The following FER variants were observed in gnomAD, a reference collection of about 807,000 sequenced individuals.
FER encodes tyrosine-protein kinase Fer.
In FER, 63 loss-of-function variants were observed where a neutral mutation model predicts 111.0. That is an observed-to-expected ratio of 0.57 (90% CI 0.46 to 0.70). The LOEUF is 0.70. Ranked by LOEUF, FER falls within the 30% of genes least tolerant of loss-of-function variation. The pLI, the probability that FER is intolerant of heterozygous loss-of-function variation, is 0.00. For missense variants in FER, 914 were observed against 954.0 expected (o/e 0.96, Z 0.55); for synonymous variants, 327 against 313.9 (o/e 1.04, Z -0.44).
intron 18 of FER, among the ~76,000 whole-genome samples, chr5:109,184,976 A>G (rs1486137740): frequency 1.3e-5 from 2 of 152,220 alleles, no homozygotes; most frequent in East Asian, 3.8e-4. Context: ...AGAAAATGAA[A>G]TAACTTAAGA....
chr5:108,870,130 A>G (rs180836980), intron 6 of FER, among the ~76,000 whole-genome samples: 4 of 152,232 alleles, frequency 2.6e-5, no homozygotes, highest in African/African-American at 9.6e-5. Flanking sequence ...TTTGAGACAT[A>G]TAATGGTTTC....
rs528628374 is a variant in FER, at chr5:108,843,964, G to A, written c.481+8157G>A. On this transcript the variant is annotated intron_variant, in intron 5 of 19. Transcript: ENST00000281092. The stretch of plus-strand genomic sequence containing the variant: ...TCAAAAATTGCCAAAATTTTGTCAC[G>A]GCTAGGCTTCTGCTGTCTCTGTTTC... 4.0e-5 allele frequency among the ~76,000 whole-genome samples: 6 copies of A among 149,712 alleles called. No individual in the cohort carries two copies. The East Asian group carries it at 5.9e-4, about 15-fold the overall frequency.
At chr5:108,866,256 T>TA (rs1217678011) in intron 5 of FER, among the ~76,000 whole-genome samples, 1 of 151,978 alleles carries the variant, frequency 6.6e-6, no homozygotes, top group Admixed American at 6.6e-5. Flanking sequence ...TATGCAGCCA[T>TA]AAAAAAGGAT....
chr5:108,770,294 G>C (rs1752759482), intron 2 of FER, among the ~76,000 whole-genome samples: 1 of 152,060 alleles, frequency 6.6e-6, no homozygotes, highest in South Asian at 2.1e-4. Context: ...TCTGACTTCA[G>C]AGTCTTTCTG....
chr5:109,093,837 C>A (rs1252682533), intron 16 of FER, among the ~76,000 whole-genome samples: 1 of 151,950 alleles, frequency 6.6e-6, no homozygotes, highest in Non-Finnish European at 1.5e-5. Flanking sequence ...TAAAAAAATA[C>A]CATTGTAGCA....
intron 17 of FER, among the ~76,000 whole-genome samples, chr5:109,107,179 T>C (rs1018149721): frequency 6.6e-6 from 1 of 152,212 alleles, no homozygotes; most frequent in Admixed American, 6.5e-5. Context: ...TTTCTGACTT[T>C]TTTCCAGTCA....
At chr5:108,892,225 C>T (rs1748212343) in intron 9 of FER, among the ~76,000 whole-genome samples, 1 of 152,086 alleles carries the variant, frequency 6.6e-6, no homozygotes, top group Non-Finnish European at 1.5e-5. Context: ...GTTCTAGGTC[C>T]CTGAGGAATC....
intron 14 of FER, among the ~76,000 whole-genome samples, chr5:109,039,611 G>T (rs1770873741): frequency 6.6e-6 from 1 of 152,050 alleles, no homozygotes; most frequent in Non-Finnish European, 1.5e-5. Flanking sequence ...AAGGAGGTGG[G>T]AAATATAGCC....
intron 13 of FER, among the ~76,000 whole-genome samples, chr5:108,993,356 G>A (rs564128006): frequency 2.2e-4 from 34 of 152,344 alleles, no homozygotes; most frequent in South Asian, 1.0e-3. Context: ...GGCCAACACA[G>A]CGAAACCCCG....
chr5:109,085,648 TC>T (rs1248951213), intron 16 of FER, among the ~76,000 whole-genome samples: 1 of 151,746 alleles, frequency 6.6e-6, no homozygotes, highest in East Asian at 1.9e-4. Context: ...AGATAAGTGT[TC>T]AATATTTTAC....
chr5:108,908,373 A>G (rs1751078744), intron 10 of FER, among the ~76,000 whole-genome samples: 2 of 152,224 alleles, frequency 1.3e-5, no homozygotes. Flanking sequence ...ATTTCTATTC[A>G]TAGATTAATA....
intron 1 of FER, among the ~76,000 whole-genome samples, chr5:108,750,727 A>G (rs1037895543): frequency 1.3e-5 from 2 of 152,228 alleles, no homozygotes; most frequent in African/African-American, 2.4e-5. Flanking sequence ...TGGACCGTGA[A>G]CATTTCAAAT....
chr5:108,971,272 CAAA>C lies in FER; in HGVS notation c.1656+11947_1656+11949del, dbSNP rs201694196. Among the ~76,000 whole-genome samples the C allele has an allele frequency of 2.4e-4, 18 of 76,372 alleles. No individual in the cohort carries two copies. The South Asian group carries it at 5.8e-3, about 25-fold the overall frequency. The allele number at this position is 76,372 out of a possible 152,430, so 50.1% of individuals were successfully genotyped here. On this transcript the variant is annotated intron_variant, in intron 13 of 19. Coordinates refer to ENST00000281092, the MANE Select transcript of FER (RefSeq NM_005246.4). ...GATGGAGGATCACTTGAACCTGTCT[CAAA>C]AAAAAAAAAAAAAAAAAAAAACCCA...
At chr5:109,000,314 T>C (rs1231095348) in intron 13 of FER, among the ~76,000 whole-genome samples, 1 of 151,962 alleles carries the variant, frequency 6.6e-6, no homozygotes, top group East Asian at 1.9e-4. Context: ...ATTTAATATA[T>C]AGAGTACATT....
At chr5:108,878,646 TA>T (rs890079361) in intron 8 of FER, among the ~76,000 whole-genome samples, 4 of 152,150 alleles carry the variant, frequency 2.6e-5, no homozygotes, top group Non-Finnish European at 5.9e-5. Context: ...TCTAAGCTTA[TA>T]AAATTGGAGT....
intron 17 of FER, among the ~76,000 whole-genome samples, chr5:109,163,618 T>G (rs1756233086): frequency 6.6e-6 from 1 of 152,116 alleles, no homozygotes; most frequent in African/African-American, 2.4e-5. Flanking sequence ...TGGTTTACAT[T>G]TTTTTAAAAT....
At chr5:108,896,974 G>T (rs1463602152) in intron 9 of FER, among the ~76,000 whole-genome samples, 3 of 152,162 alleles carry the variant, frequency 2.0e-5, no homozygotes, top group African/African-American at 7.2e-5. Flanking sequence ...TTCAATGTGG[G>T]TGAATTAGTT....
intron 16 of FER, among the ~76,000 whole-genome samples, chr5:109,073,247 TTA>T (rs1561860130): frequency 6.6e-6 from 1 of 152,120 alleles, no homozygotes; most frequent in Non-Finnish European, 1.5e-5. Context: ...AAACAGTAGT[TTA>T]TGTTCTGCTA....
At chr5:108,861,177 T>C (rs146610850) in intron 5 of FER, among the ~76,000 whole-genome samples, 5 of 152,358 alleles carry the variant, frequency 3.3e-5, no homozygotes, top group African/African-American at 1.2e-4. Flanking sequence ...AGTCTACTTG[T>C]AGGCACTTTA....
Sources: allele counts gnomAD v4.1 joint callset (sites outside exome capture counted in the v4.1 genomes callset), GRCh38; gene constraint gnomAD v4.1.1; transcripts MANE v1.5; gene names NCBI Gene and HGNC (gene_info 2026-07-23, HGNC 2026-07-21).